The following FRMPD2 variants were observed in gnomAD, a reference collection of about 807,000 sequenced individuals.
FRMPD2 encodes the protein FERM and PDZ domain containing 2, also known as FERM and PDZ domain-containing protein 2.
A neutral mutation model predicts 140.1 loss-of-function variants in FRMPD2; 96 were observed. The observed-to-expected ratio is 0.69, with a 90% CI of 0.58 to 0.81. The LOEUF (loss-of-function observed/expected upper bound fraction) is 0.81. Ranked by LOEUF, FRMPD2 falls within the 40% of genes least tolerant of loss-of-function variation. The pLI is 0.00. For synonymous variants in FRMPD2, 449 were observed against 547.6 expected, an observed-to-expected ratio of 0.82 and a Z score of 2.52; for missense variants, 1,240 against 1,447.4, an observed-to-expected ratio of 0.86 and a Z score of 2.32.
At chr10:48,241,769 C>T (rs1840117379) in intron 5 of FRMPD2, among the ~76,000 whole-genome samples, 1 of 152,170 alleles carries the variant, frequency 6.6e-6, no homozygotes, top group Non-Finnish European at 1.5e-5. Context: ...CCAGGGACCA[C>T]AAAAACGAAG....
chr10:48,229,306 T>A (rs1839797103), intron 10 of FRMPD2, among the ~76,000 whole-genome samples: 1 of 152,160 alleles, frequency 6.6e-6, no homozygotes, highest in Admixed American at 6.5e-5. Context: ...GAATTTTAAT[T>A]ATCACTCTGG....
intron 12 of FRMPD2, among the ~76,000 whole-genome samples, chr10:48,221,691 T>C (rs1355562823): frequency 2.0e-5 from 3 of 152,236 alleles, no homozygotes; most frequent in African/African-American, 7.2e-5. Flanking sequence ...ATTACTGTCT[T>C]TAGGAGGTAC....
intron 1 of FRMPD2, among the ~76,000 whole-genome samples, chr10:48,257,477 G>A (rs1288395488): frequency 1.3e-5 from 2 of 151,708 alleles, no homozygotes; most frequent in Non-Finnish European, 2.9e-5. Context: ...ATGGGGTTTC[G>A]CCATGTTGGC....
chr10:48,262,026 A>G (rs1588860513), intron 1 of FRMPD2, among the ~76,000 whole-genome samples: 1 of 152,202 alleles, frequency 6.6e-6, no homozygotes, highest in East Asian at 1.9e-4. Context: ...GCAGAAAAAC[A>G]CGGGAAGATC....
Position 48,187,293 on chromosome 10 carries a change from C to G in FRMPD2, c.2166-1G>C. 1 of 1,613,538 alleles carries G rather than the reference C, an allele frequency of 6.2e-7. No individual in the cohort carries two copies. Among genetic ancestry groups the G allele is most frequent in the Non-Finnish European group, 8.5e-7 (1 of 1,179,650 alleles). ...CAGCTGCTCCCGGCCAGTGCAGGGG[C>G]TGCCGGGAAAAGAAAATGAGGTTAG... On this transcript the variant is annotated splice_acceptor_variant, in intron 16 of 28. Coordinates refer to ENST00000374201, the MANE Select transcript of FRMPD2 (RefSeq NM_001018071.4). LOFTEE classifies it high-confidence loss of function.
At chr10:48,231,480 A>G (rs1038854429) in intron 10 of FRMPD2, among the ~76,000 whole-genome samples, 14 of 152,326 alleles carry the variant, frequency 9.2e-5, no homozygotes, top group Admixed American at 3.3e-4. Flanking sequence ...CCTTGGAACC[A>G]ATCACCTTTT....
rs534419794 is a variant in FRMPD2 at position 48,234,974 on chromosome 10, C to A, written c.993+1508G>T. Among the ~76,000 whole-genome samples, 89 of 152,262 alleles carry A rather than the reference C, an allele frequency of 5.8e-4. 1 individual carries two copies. The highest frequency in any genetic ancestry group is 6.8e-3 in the Middle Eastern group (2 of 294). Reference sequence around the variant, plus strand: ...TCTCCAGTCACCTAAGCCATGTGACCACAGGGATGTCAGGAAGGGGTCCCT... The same window carrying A: ...TCTCCAGTCACCTAAGCCATGTGACAACAGGGATGTCAGGAAGGGGTCCCT... On this transcript the variant is annotated intron_variant, in intron 9 of 28. Transcript: ENST00000374201.
intron 7 of FRMPD2, 125 bp from the exon 8 acceptor site, chr10:48,238,248 C>G: frequency 1.0e-6 from 1 of 967,066 alleles, no homozygotes; most frequent in Non-Finnish European, 1.5e-6. Context: ...ACCTTCTCCC[C>G]CACCTATGGG....
chr10:48,207,661 C>T (rs1783071346), intron 13 of FRMPD2, among the ~76,000 whole-genome samples: 1 of 152,148 alleles, frequency 6.6e-6, no homozygotes, highest in Non-Finnish European at 1.5e-5. Context: ...ACTTTCCCAC[C>T]TTCATCTTCA....
chr10:48,262,318 C>A (rs7073154), intron 1 of FRMPD2, among the ~76,000 whole-genome samples: 7,279 of 152,170 alleles, frequency 0.048, 550 homozygotes, highest in African/African-American at 0.16. Context: ...TATGCTAACA[C>A]AAATTAAAAG....
intron 13 of FRMPD2, 86 bp from the exon 14 acceptor site, chr10:48,207,019 A>G (rs1839216616): frequency 3.5e-6 from 4 of 1,143,034 alleles, no homozygotes; most frequent in Non-Finnish European, 4.9e-6. Context: ...TGCAAAACAC[A>G]CTGATAGGCG....
At position 48,271,639 on chromosome 10, in the gene FRMPD2, A is replaced by G. The variant is rs77784483; in HGVS notation, c.25+2904T>C. On this transcript the variant is annotated intron_variant, in intron 1 of 28. Transcript: ENST00000374201. ...AGGAGGCTTACAGCCAAGGCAAGAA[A>G]AAAAAAGGGAGGGCAGTTAACAGTA... Among the ~76,000 whole-genome samples the G allele has an allele frequency of 2.9e-4, 44 of 152,360 alleles. No individual in the cohort carries two copies. The East Asian group carries it at 8.3e-3, about 29-fold the overall frequency.
Position 48,172,848 on chromosome 10 carries a change from C to A in FRMPD2, c.3223+98G>T, listed in dbSNP as rs1289561692. The A allele has an allele frequency of 2.6e-5, 21 of 821,782 alleles. No homozygotes were observed. In the South Asian group the frequency reaches 3.2e-4, roughly 13 times the overall value. 50.9% of individuals were successfully genotyped at this position (821,782 alleles called of 1,614,324 possible). A position where few individuals can be genotyped will look rare whatever the true frequency, so the allele number is the denominator to read the frequency against. ...CTATGGCTCGCTTTCTTTTCAGGAC[C>A]CAGAGGAAGCCTTCCTGCCTTTCCC... is the stretch of plus-strand genomic sequence containing the variant. On this transcript the variant is annotated intron_variant, in intron 25 of 28. Transcript: ENST00000374201.
chr10:48,212,143 C>G (rs1208674310), intron 12 of FRMPD2, 34 bp from the exon 13 acceptor site: 1 of 1,606,726 alleles, frequency 6.2e-7, no homozygotes. Flanking sequence ...AGGGCACAAT[C>G]CAGACACTGG....
chr10:48,179,709 G>C (rs1479115873), intron 21 of FRMPD2, among the ~76,000 whole-genome samples: 20 of 151,910 alleles, frequency 1.3e-4, no homozygotes, highest in Non-Finnish European at 1.3e-4. Context: ...TTTTATCCCC[G>C]ACACTGGGCA....
chr10:48,271,760 C>G (rs1429559351), intron 1 of FRMPD2, among the ~76,000 whole-genome samples: 2 of 152,186 alleles, frequency 1.3e-5, no homozygotes, highest in African/African-American at 4.8e-5. Context: ...ACTGATATCT[C>G]AGGGTGAATA....
intron 25 of FRMPD2, among the ~76,000 whole-genome samples, chr10:48,172,590 T>C (rs1838289541): frequency 6.6e-6 from 1 of 151,598 alleles, no homozygotes; most frequent in Non-Finnish European, 1.5e-5. Context: ...TTGTTACAAA[T>C]GACTTGGCTG....
intron 12 of FRMPD2, among the ~76,000 whole-genome samples, chr10:48,213,255 T>C (rs1011933546): frequency 1.3e-5 from 2 of 152,196 alleles, no homozygotes; most frequent in Non-Finnish European, 2.9e-5. Flanking sequence ...AGAGAGATAT[T>C]GTTCAGCAGG....
intron 15 of FRMPD2, among the ~76,000 whole-genome samples, chr10:48,194,098 G>A (rs932572692): frequency 3.3e-5 from 5 of 152,226 alleles, no homozygotes; most frequent in African/African-American, 7.2e-5. Context: ...AACAACAGCA[G>A]TAATGTCAAC....
Sources: gnomAD v4.1 joint callset for allele counts (sites outside exome capture counted in the v4.1 genomes callset) on GRCh38, gnomAD v4.1.1 for gene constraint, MANE v1.5 for transcripts, NCBI Gene and HGNC (gene_info 2026-07-23, HGNC 2026-07-21) for gene names.